Variants in ABCB9 observed in about 807,000 individuals in gnomAD.
ABCB9 encodes the protein ABC-type oligopeptide transporter ABCB9.
In ABCB9, 36 loss-of-function variants were observed where a neutral mutation model predicts 62.0. That is an observed-to-expected ratio of 0.58 (90% CI 0.45 to 0.77). The LOEUF is 0.77. Among genes scored for constraint, ABCB9 ranks in the 30% least tolerant of loss-of-function variants. The pLI, the probability that ABCB9 is intolerant of heterozygous loss-of-function variation, is 0.00. For missense variants in ABCB9, 943 were observed against 1,054.7 expected, an observed-to-expected ratio of 0.89 and a Z score of 1.47; for synonymous variants, 435 against 461.4, an observed-to-expected ratio of 0.94 and a Z score of 0.73.
At chr12:122,924,200 G>A (rs1162126631), downstream of ABCB9, among the ~76,000 whole-genome samples, 1 of 152,184 alleles carries the variant, frequency 6.6e-6, no homozygotes, top group African/African-American at 2.4e-5. Context: ...AGGGAGTGTG[G>A]GGACCTGGGT....
intron 9 of ABCB9, among the ~76,000 whole-genome samples, chr12:122,939,134 T>G (rs890155833): frequency 1.3e-5 from 2 of 152,132 alleles, no homozygotes; most frequent in East Asian, 1.9e-4. Flanking sequence ...ATCTCACCAC[T>G]GCACTCCAGC....
At chr12:122,961,116 AAG>A (rs910399550) in intron 1 of ABCB9, among the ~76,000 whole-genome samples, 5 of 151,972 alleles carry the variant, frequency 3.3e-5, no homozygotes, top group African/African-American at 1.2e-4. Flanking sequence ...TGGTGGAAAA[AAG>A]AGGGGGGTAA....
At chr12:122,926,445 A>T (rs2034908180), downstream of ABCB9, among the ~76,000 whole-genome samples, 1 of 151,798 alleles carries the variant, frequency 6.6e-6, no homozygotes, top group South Asian at 2.1e-4. Flanking sequence ...TACTCAAAAG[A>T]CTGAGGCAGG....
rs1238861859 is a variant in ABCB9 at position 122,964,712 on chromosome 12, A to G, written c.-88+1575T>C. The stretch of plus-strand genomic sequence containing the variant: ...GAGCTGGAGGGCAAATTGTGAGCAC[A>G]TGGGTGACCTGCTTGGCCTGAGGGA... On this transcript the variant is annotated intron_variant, in intron 1 of 11. Transcript: ENST00000280560. This position sits in a 1 kb window ranked among gnomAD's most constrained non-coding sequence, Gnocchi z 4.7. Among the ~76,000 whole-genome samples the G allele has an allele frequency of 2.6e-5, 4 of 152,234 alleles. No individual in the cohort carries two copies. Among genetic ancestry groups the G allele is most frequent in the Non-Finnish European group, 2.9e-5 (2 of 68,032 alleles).
rs770182166 is a variant in ABCB9, at chr12:122,960,126, T to A, written c.110A>T (p.Asp37Val). Residue 37 changes from aspartate (D) to valine (V), a missense_variant, in exon 2 of 12, where the codon GAC (aspartate) becomes GTC (valine). By Grantham distance (152) the Asp-to-Val change is radical (BLOSUM62 -3). Coordinates refer to ENST00000280560, the MANE Select transcript of ABCB9 (RefSeq NM_019625.4). ...GTCAAAGATGTTGAAGTGGCGGATG[T>A]CCTCCAGGAGGCTGCGGTCCAGGTG... ...FSHLDRSLLE[D>V]IRHFNIFDSV... The A allele has an allele frequency of 1.9e-6, 3 of 1,613,706 alleles. No individual in the cohort carries two copies. Among genetic ancestry groups the A allele is most frequent in the Non-Finnish European group, 2.5e-6 (3 of 1,180,046 alleles).
At chr12:122,920,913 TAA>T (rs57504429), downstream of ABCB9, 9 of 1,029,898 alleles carry the variant, frequency 8.7e-6, no homozygotes, top group African/African-American at 3.2e-5. Context: ...ACCCCTGTCT[TAA>T]AAAAAAAATC....
At position 122,954,353 on chromosome 12, in the gene ABCB9, C is replaced by A. The variant is rs573120063; in HGVS notation, c.602-3788G>T. Among the ~76,000 whole-genome samples the A allele has an allele frequency of 3.1e-4, 47 of 152,248 alleles. No homozygotes were observed. In the South Asian group the frequency reaches 9.5e-3, roughly 31 times the overall value. On this transcript the variant is annotated intron_variant, in intron 2 of 11. Coordinates refer to ENST00000280560, the MANE Select transcript of ABCB9 (RefSeq NM_019625.4). ...CCTCCCGAGTAGCTGGGATTACAGG[C>A]ATGCGCCACCACACCTAGCTAATTT...
chr12:122,934,352 A>G (rs1365673588), intron 10 of ABCB9, among the ~76,000 whole-genome samples: 1 of 152,136 alleles, frequency 6.6e-6, no homozygotes, highest in East Asian at 1.9e-4. Flanking sequence ...CCCCCTATAC[A>G]TTGTATATAT....
chr12:122,974,317 G>A (rs2037345133), intron 1 of ABCB9, among the ~76,000 whole-genome samples: 1 of 152,094 alleles, frequency 6.6e-6, no homozygotes, highest in African/African-American at 2.4e-5. Flanking sequence ...CACCTTCTCG[G>A]GCCGGGCAGC....
rs371490151 is a variant in ABCB9, at chr12:122,940,194, T to A, written c.1660A>T (p.Asn554Tyr). ...CGGCCCCCCTCCAGGGGGTAGAAGT[T>A]CTCCAGGATGTTGACACAGGAGCTC... ...GKSSCVNILE[N>Y]FYPLEGGRVL... Residue 554 changes from asparagine to tyrosine, a missense_variant, in exon 9 of 12, where the codon AAC becomes TAC. Physicochemically the swap from Asn to Tyr is moderately radical, Grantham distance 143. Transcript: ENST00000280560. This position sits in a 1 kb window ranked among gnomAD's most constrained non-coding sequence, Gnocchi z 4.8. 1.9e-6 allele frequency: 3 copies of A among 1,613,322 alleles called. No individual in the cohort carries two copies. Among genetic ancestry groups the A allele is most frequent in the African/African-American group, 2.7e-5 (2 of 74,858 alleles).
At chr12:122,937,831 A>G (rs1414577301) in intron 9 of ABCB9, among the ~76,000 whole-genome samples, 2 of 152,186 alleles carry the variant, frequency 1.3e-5, no homozygotes, top group African/African-American at 4.8e-5. Context: ...AATAGTTTAT[A>G]TTTCTTGGAC....
rs368092314 is a variant in ABCB9 at position 122,940,797 on chromosome 12, G to T, written c.1569+10C>A. On this transcript the variant is annotated intron_variant, in intron 8 of 11. Transcript: ENST00000280560. This position sits in a 1 kb window ranked among gnomAD's most constrained non-coding sequence, Gnocchi z 4.8. ...GGCTGATTCTGGCAGGCCTCAAGCCGCGCCCTCACCTGCAGGACCTGGGTG... is the reference window on the plus strand; with the variant it reads ...GGCTGATTCTGGCAGGCCTCAAGCCTCGCCCTCACCTGCAGGACCTGGGTG... The T allele has an allele frequency of 5.7e-6, 9 of 1,567,884 alleles. No individual in the cohort carries two copies. The highest frequency in any genetic ancestry group is 7.8e-6 in the Non-Finnish European group (9 of 1,149,328).
upstream of ABCB9, among the ~76,000 whole-genome samples, chr12:122,970,906 C>T (rs2037263052): frequency 2.6e-5 from 4 of 152,072 alleles, no homozygotes; most frequent in Admixed American, 2.6e-4. Flanking sequence ...GAGAAGGAAG[C>T]AATCTGAAAA....
intron 6 of ABCB9, among the ~76,000 whole-genome samples, chr12:122,945,362 C>G (rs1174348993): frequency 1.3e-5 from 2 of 152,174 alleles, no homozygotes; most frequent in African/African-American, 4.8e-5. Flanking sequence ...GTGACATGAT[C>G]CAAGTGCTCC....
At position 122,959,323 on chromosome 12, in the gene ABCB9, G is replaced by T. The variant is rs2036768196; in HGVS notation, c.601+312C>A. ...CCTGAGATTGTGCCACTGCACTCTA[G>T]CCTAGGTGACAGAGCAATACTATGT... On this transcript the variant is annotated intron_variant, in intron 2 of 11. Transcript: ENST00000280560. The surrounding 1 kb of genome is among the most constrained non-coding windows in gnomAD (Gnocchi z 5.4). Among the ~76,000 whole-genome samples the T allele has an allele frequency of 6.6e-6, 1 of 151,932 alleles. No individual in the cohort carries two copies. The highest frequency in any genetic ancestry group is 1.5e-5 in the Non-Finnish European group (1 of 67,994).
intron 10 of ABCB9, among the ~76,000 whole-genome samples, chr12:122,933,586 CATTTAG>C: frequency 6.6e-6 from 1 of 151,896 alleles, no homozygotes; most frequent in African/African-American, 2.4e-5. Flanking sequence ...AATCCAGTGG[CATTTAG>C]TGCATTCACA....
intron 2 of ABCB9, chr12:122,950,948 G>C (rs2036334299): frequency 6.1e-6 from 1 of 163,724 alleles, no homozygotes; most frequent in African/African-American, 2.4e-5. Context: ...GGGCTCAGGT[G>C]ATCCTCCTGT....
downstream of ABCB9, chr12:122,928,852 G>T: frequency 4.4e-6 from 1 of 229,016 alleles, no homozygotes; most frequent in Non-Finnish European, 7.2e-6. Context: ...GTGCAGATGG[G>T]GCTCCCAGAC....
chr12:122,948,573 T>G (rs1035975942), intron 5 of ABCB9, 51 bp downstream of exon 5: 25 of 1,521,930 alleles, frequency 1.6e-5, no homozygotes, highest in Non-Finnish European at 2.1e-5. Flanking sequence ...TAAGGGGATG[T>G]TTGGGGGCTG....
Sources: gnomAD v4.1 joint callset for allele counts (sites outside exome capture counted in the v4.1 genomes callset) on GRCh38, gnomAD v4.1.1 for gene constraint, Gnocchi (gnomAD v3.1) non-coding constraint, MANE v1.5 for transcripts, NCBI Gene and HGNC (gene_info 2026-07-23, HGNC 2026-07-21) for gene names.